Variants in AP1G1 observed in about 807,000 individuals in gnomAD.
AP1G1 encodes adaptor related protein complex 1 subunit gamma 1.
Under a neutral mutation model 108.3 loss-of-function variants are expected in AP1G1, and 7 were observed. The observed-to-expected ratio is 0.06, with a 90% CI of 0.04 to 0.12. The LOEUF (loss-of-function observed/expected upper bound fraction) is 0.12, where lower values mean the gene tolerates loss of function less well. Ranked by LOEUF, AP1G1 falls within the 10% of genes least tolerant of loss-of-function variation. AP1G1 has a pLI of 1.00. For synonymous variants in AP1G1, 379 were observed against 353.5 expected (o/e 1.07, Z -0.81); for missense variants, 756 against 1,010.7 (o/e 0.75, Z 3.42).
At chr16:71,792,181 C>G (rs2032427959) in intron 1 of AP1G1, among the ~76,000 whole-genome samples, 1 of 152,072 alleles carries the variant, frequency 6.6e-6, no homozygotes, top group African/African-American at 2.4e-5. Flanking sequence ...AAATAAGGTT[C>G]TATTAATCTG....
intron 13 of AP1G1, 78 bp downstream of exon 13, chr16:71,753,755 C>T: frequency 1.5e-6 from 2 of 1,323,046 alleles, no homozygotes; most frequent in Non-Finnish European, 2.2e-6. Context: ...TCTTACCTCC[C>T]TGACTAGAAC....
At position 71,738,981 on chromosome 16, in the gene AP1G1, T is replaced by C. The variant is rs537695512; in HGVS notation, c.2229A>G (p.Leu743=). 6.6e-5 allele frequency: 107 copies of C among 1,614,160 alleles called. 1 individual carries two copies. In the South Asian group the frequency reaches 9.1e-4, roughly 14 times the overall value. ...ITIQASNSTE[L]DMTDFVFQAA... ...CTTGGAAAACAAAGTCCGTCATATCTAGCTCTGTGCTGTTGGAGGCCTGTA... is the reference window on the plus strand; with the variant it reads ...CTTGGAAAACAAAGTCCGTCATATCCAGCTCTGTGCTGTTGGAGGCCTGTA... Residue 743 remains leucine (L), a synonymous_variant, in exon 21 of 23, where the codon CTA becomes CTG. Coordinates refer to ENST00000299980, the MANE Select transcript of AP1G1 (RefSeq NM_001128.6).
chr16:71,793,006 G>A (rs1260606167), intron 1 of AP1G1, among the ~76,000 whole-genome samples: 1 of 151,344 alleles, frequency 6.6e-6, no homozygotes, highest in Non-Finnish European at 1.5e-5. Context: ...TGTCTCTACA[G>A]AACATAAACA....
intron 17 of AP1G1, 78 bp from the exon 18 acceptor site, chr16:71,745,692 T>C: frequency 2.4e-6 from 3 of 1,259,652 alleles, no homozygotes; most frequent in Non-Finnish European, 3.5e-6. Flanking sequence ...TTAACTATGT[T>C]GAGCCCAAGC....
At chr16:71,750,102 TA>T (rs2030405900) in intron 14 of AP1G1, 107 bp downstream of exon 14, 1 of 1,481,288 alleles carries the variant, frequency 6.8e-7, no homozygotes, top group African/African-American at 1.4e-5. Flanking sequence ...GTGTTAGAAA[TA>T]AAGACATACC....
At chr16:71,784,928 T>G (rs531675345) in intron 2 of AP1G1, among the ~76,000 whole-genome samples, 8 of 149,476 alleles carry the variant, frequency 5.4e-5, no homozygotes, top group African/African-American at 1.7e-4. Context: ...TAAATTTCTA[T>G]GTAGCTTGTG....
chr16:71,795,351 A>G (rs1355275772), intron 1 of AP1G1, among the ~76,000 whole-genome samples: 7 of 152,230 alleles, frequency 4.6e-5, no homozygotes, highest in African/African-American at 1.7e-4. Flanking sequence ...CAAAGATTGT[A>G]CTTGAAGAAG....
chr16:71,744,139 G>C (rs1463864276), intron 19 of AP1G1, among the ~76,000 whole-genome samples: 1 of 151,974 alleles, frequency 6.6e-6, no homozygotes, highest in Non-Finnish European at 1.5e-5. Context: ...AGCTACTCAG[G>C]AGGCTGAGGC....
chr16:71,771,070 G>C (rs1313433381), intron 5 of AP1G1, 86 bp downstream of exon 5: 2 of 819,530 alleles, frequency 2.4e-6, no homozygotes, highest in African/African-American at 3.5e-5. Flanking sequence ...CCACTGTTCT[G>C]AGAGACACAG....
chr16:71,784,594 T>A (rs1168032935), intron 2 of AP1G1, among the ~76,000 whole-genome samples: 2 of 152,202 alleles, frequency 1.3e-5, no homozygotes, highest in African/African-American at 4.8e-5. Flanking sequence ...AGTCTCGCTT[T>A]GTCGCCCAGG....
chr16:71,746,871 A>G (rs1332856502), intron 16 of AP1G1, 179 bp from the exon 17 acceptor site: 1 of 518,766 alleles, frequency 1.9e-6, no homozygotes, highest in Non-Finnish European at 3.4e-6. Context: ...TGACATTCGC[A>G]TTATACTATT....
chr16:71,779,529 T>C (rs1336268163), intron 2 of AP1G1, among the ~76,000 whole-genome samples: 1 of 151,984 alleles, frequency 6.6e-6, no homozygotes, highest in Non-Finnish European at 1.5e-5. Flanking sequence ...TTAGTAGAGA[T>C]GGGGTTTTGT....
At chr16:71,765,614 A>C (rs1427657987) in intron 6 of AP1G1, 30 bp from the exon 7 acceptor site, 1 of 1,538,406 alleles carries the variant, frequency 6.5e-7, no homozygotes, top group African/African-American at 1.4e-5. Context: ...ATCAAAAAAC[A>C]GTGAATATTG....
intron 2 of AP1G1, among the ~76,000 whole-genome samples, chr16:71,781,627 C>G (rs868843067): frequency 4.6e-5 from 7 of 152,182 alleles, no homozygotes; most frequent in African/African-American, 1.7e-4. Context: ...CCGCTCTTTT[C>G]ACTCAACAGC....
In AP1G1 at chr16:71,745,049, A is replaced by C; in HGVS notation, c.1999+95T>G. On this transcript the variant is annotated intron_variant, in intron 19 of 22. Transcript: ENST00000299980. Reference sequence around the variant, plus strand: ...TTCTGATTTAGCCTCTCCCATCTTCAAATGATTCACGTGCTGGAAAGTCTG... The same window carrying C: ...TTCTGATTTAGCCTCTCCCATCTTCCAATGATTCACGTGCTGGAAAGTCTG... 5 of 1,422,384 alleles carry C rather than the reference A, an allele frequency of 3.5e-6. No homozygotes were observed. In the South Asian group the frequency reaches 6.4e-5, roughly 18 times the overall value. The allele number at this position is 1,422,384 out of a possible 1,614,324, so 88.1% of individuals were successfully genotyped here. A position where few individuals can be genotyped will look rare whatever the true frequency, so the allele number is the denominator to read the frequency against.
chr16:71,791,244 A>G (rs1290449408), intron 1 of AP1G1, among the ~76,000 whole-genome samples: 1 of 151,820 alleles, frequency 6.6e-6, no homozygotes, highest in Non-Finnish European at 1.5e-5. Context: ...AAAACAAAAA[A>G]AACAAAAACA....
rs1483500687 is a variant in AP1G1, at chr16:71,739,285, A to G, written c.2056T>C (p.Phe686Leu). The G allele has an allele frequency of 5.0e-6, 8 of 1,613,042 alleles. No homozygotes were observed. The highest frequency in any genetic ancestry group is 5.9e-6 in the Non-Finnish European group (7 of 1,179,778). The part of the protein sequence containing the change: ...ASVPQISQPP[F>L]LLDGLSSQPL... ...TGTGATGAAAGCCCATCCAACAAGA[A>G]GGGGGGCTGGGATATCTGTGGGACT... Residue 686 changes from phenylalanine (F) to leucine (L), a missense_variant, in exon 20 of 23, where the codon TTC becomes CTC. By Grantham distance (22) the Phe-to-Leu change is conservative. Coordinates refer to ENST00000299980, the MANE Select transcript of AP1G1 (RefSeq NM_001128.6).
chr16:71,774,714 C>G, intron 2 of AP1G1, 122 bp from the exon 3 acceptor site: 2 of 1,046,442 alleles, frequency 1.9e-6, no homozygotes, highest in Non-Finnish European at 2.7e-6. Flanking sequence ...TTTCATCAAA[C>G]TACCTAAATC....
In AP1G1 at chr16:71,731,188, C is replaced by G. The variant is rs2045471678; in HGVS notation, c.*1870G>C. ...TGAAATATGCACTAGTCCACACTTA[C>G]ATTACTGAAAACTATGCAGGAGATA... On this transcript the variant is annotated 3_prime_UTR_variant, in exon 23 of 23. Coordinates refer to ENST00000299980, the MANE Select transcript of AP1G1 (RefSeq NM_001128.6). 6.6e-6 allele frequency: 1 copy of G among 152,494 alleles called. No individual in the cohort carries two copies. The highest frequency in any genetic ancestry group is 6.5e-5 in the Admixed American group (1 of 15,286). The allele number at this position is 152,494 out of a possible 1,614,324, so 9.4% of individuals were successfully genotyped here. A position where few individuals can be genotyped will look rare whatever the true frequency, so the allele number is the denominator to read the frequency against.
Sources: gnomAD v4.1 joint callset for allele counts (sites outside exome capture counted in the v4.1 genomes callset) on GRCh38, gnomAD v4.1.1 for gene constraint, MANE v1.5 for transcripts, NCBI Gene and HGNC (gene_info 2026-07-23, HGNC 2026-07-21) for gene names.